TRIO: variants seen among roughly 807,000 people sequenced by gnomAD.
TRIO encodes trio Rho guanine nucleotide exchange factor.
In TRIO, 58 loss-of-function variants were observed where a neutral mutation model predicts 351.9. That is an observed-to-expected ratio of 0.16 (90% CI 0.13 to 0.21). The LOEUF is 0.21. Among genes scored for constraint, TRIO ranks in the 10% least tolerant of loss-of-function variants. The probability of loss-of-function intolerance (pLI) is 1.00; values close to 1 mark genes in which losing one functional copy is unlikely to be tolerated. For synonymous variants in TRIO, 1,758 were observed against 1,595.7 expected (o/e 1.10, Z -2.42); for missense variants, 3,201 against 4,027.8 (o/e 0.79, Z 5.56).
intron 3 of TRIO, among the ~76,000 whole-genome samples, chr5:14,282,825 T>C (rs888708136): frequency 6.6e-6 from 1 of 152,224 alleles, no homozygotes; most frequent in African/African-American, 2.4e-5. Flanking sequence ...GGTTTGCGTT[T>C]GCATTAACTG....
intron 30 of TRIO, among the ~76,000 whole-genome samples, chr5:14,400,598 G>A (rs956169993): frequency 2.5e-4 from 38 of 152,310 alleles, no homozygotes; most frequent in Non-Finnish European, 4.0e-4. Context: ...CATGGTGGCA[G>A]CCCTTTTGCA....
In TRIO at chr5:14,482,592, T is replaced by A; in HGVS notation, c.6476T>A (p.Val2159Asp). The A allele has an allele frequency of 4.1e-6, 6 of 1,453,000 alleles. No individual in the cohort carries two copies. The highest frequency in any genetic ancestry group is 5.5e-6 in the Non-Finnish European group (6 of 1,090,320). The allele number at this position is 1,453,000 out of a possible 1,614,324, so 90.0% of individuals were successfully genotyped here. Residue 2159 changes from valine to aspartate, a missense_variant, in exon 46 of 57, where the codon GTT (valine) becomes GAT (aspartate). This residue lies in a region of TRIO where 307 missense variants were observed against 396.5 expected (regional missense o/e 0.77). Coordinates refer to ENST00000344204, the MANE Select transcript of TRIO (RefSeq NM_007118.4). ...TATTTCTTGTTTTAGGGGAAAATCG[T>A]TGCCCAGGGTAAACTGCTCTTGCAG... ...GRLQGFDGKI[V>D]AQGKLLLQDT...
At chr5:14,425,618 C>T (rs750960628) in intron 34 of TRIO, among the ~76,000 whole-genome samples, 23 of 152,148 alleles carry the variant, frequency 1.5e-4, no homozygotes, top group Non-Finnish European at 2.9e-4. Flanking sequence ...TGAATGTTTG[C>T]GTCCTTCCAA....
chr5:14,477,159 C>CTGAA (rs1213993799), intron 41 of TRIO, 196 bp downstream of exon 41: 1 of 542,664 alleles, frequency 1.8e-6, no homozygotes, highest in East Asian at 3.2e-5. Flanking sequence ...AGTCACCTGG[C>CTGAA]TGAAGCTGGC....
At chr5:14,476,525 C>T (rs545133217) in intron 40 of TRIO, among the ~76,000 whole-genome samples, 3 of 152,236 alleles carry the variant, frequency 2.0e-5, no homozygotes, top group Non-Finnish European at 4.4e-5. Context: ...GGCACGGTGG[C>T]TCACGCCTGT....
At position 14,507,559 on chromosome 5, in the gene TRIO, G is replaced by A. The variant is rs190959803; in HGVS notation, c.8751+299G>A. Among the ~76,000 whole-genome samples the A allele has an allele frequency of 7.2e-5, 11 of 152,182 alleles. No individual in the cohort carries two copies. The East Asian group carries it at 1.9e-3, about 27-fold the overall frequency. On this transcript the variant is annotated intron_variant, in intron 56 of 56. Transcript: ENST00000344204. The stretch of plus-strand genomic sequence containing the variant: ...TGGCGGGTGCAGTGGTAGCTTAGGC[G>A]GGAAAGAGAGCATTCCCCTTGGTGC...
At chr5:14,476,501 T>C (rs1579767577) in intron 40 of TRIO, among the ~76,000 whole-genome samples, 1 of 152,294 alleles carries the variant, frequency 6.6e-6, no homozygotes, top group East Asian at 1.9e-4. Flanking sequence ...CTATTGAAAA[T>C]GTAAACCTGG....
At chr5:14,478,993 G>T (rs1755313861) in intron 41 of TRIO, among the ~76,000 whole-genome samples, 1 of 151,348 alleles carries the variant, frequency 6.6e-6, no homozygotes, top group Admixed American at 6.6e-5. Context: ...ATGTTCTTTT[G>T]CTACCTATGG....
At chr5:14,396,359 A>C (rs1747576380) in intron 28 of TRIO, among the ~76,000 whole-genome samples, 1 of 150,164 alleles carries the variant, frequency 6.7e-6, no homozygotes, top group Admixed American at 6.7e-5. Flanking sequence ...TTGTGTGGTA[A>C]ACGCACAGTT....
intron 13 of TRIO, among the ~76,000 whole-genome samples, chr5:14,363,044 G>A (rs1005860420): frequency 5.8e-5 from 8 of 136,844 alleles, no homozygotes; most frequent in African/African-American, 2.2e-4. Flanking sequence ...TCTTGCCCAT[G>A]CTGGAGTGTA....
chr5:14,470,985 A>G (rs1754638095), intron 37 of TRIO, among the ~76,000 whole-genome samples: 1 of 152,214 alleles, frequency 6.6e-6, no homozygotes, highest in Non-Finnish European at 1.5e-5. Flanking sequence ...TAGATATTAA[A>G]TATGTGTGAT....
chr5:14,358,197 A>G lies in TRIO; in HGVS notation c.2066A>G (p.Glu689Gly), dbSNP rs761713558. ...CCCCAGCTGTGGACGTGGCTGGAGG[A>G]GCTGCAGAAGGAGCTGCTGGACGAC... ...HVKELWTWLE[E>G]LQKELLDDVY... is the part of the protein sequence containing the mutation. Residue 689 changes from glutamate (E) to glycine (G), a missense_variant, in exon 12 of 57, where the codon GAG (glutamate) becomes GGG (glycine). Physicochemically the swap from Glu to Gly is moderately conservative, Grantham distance 98. Coordinates refer to ENST00000344204, the MANE Select transcript of TRIO (RefSeq NM_007118.4). 1 of 1,612,778 alleles carries G rather than the reference A, an allele frequency of 6.2e-7. No individual in the cohort carries two copies.
chr5:14,470,397 AT>A (rs1754597724), intron 37 of TRIO, among the ~76,000 whole-genome samples: 1 of 152,166 alleles, frequency 6.6e-6, no homozygotes, highest in Non-Finnish European at 1.5e-5. Context: ...AATTCATCAC[AT>A]TTTTTTCCAG....
intron 3 of TRIO, 89 bp downstream of exon 3, chr5:14,280,525 C>T: frequency 8.7e-7 from 1 of 1,146,042 alleles, no homozygotes; most frequent in Non-Finnish European, 1.3e-6. Context: ...TAAATTGTAG[C>T]CTGCATTCCA....
intron 15 of TRIO, among the ~76,000 whole-genome samples, chr5:14,365,526 T>C (rs977550787): frequency 3.3e-5 from 5 of 152,286 alleles, no homozygotes; most frequent in Non-Finnish European, 4.4e-5. Context: ...AAGAGCACCT[T>C]TCAGTCTCCC....
At chr5:14,428,410 G>C (rs1475519377) in intron 34 of TRIO, among the ~76,000 whole-genome samples, 1 of 152,012 alleles carries the variant, frequency 6.6e-6, no homozygotes, top group African/African-American at 2.4e-5. Context: ...GCTTGGAAAA[G>C]AGCAGTTGTA....
chr5:14,399,956 A>G (rs1040156271), intron 30 of TRIO, among the ~76,000 whole-genome samples: 1 of 152,244 alleles, frequency 6.6e-6, no homozygotes, highest in African/African-American at 2.4e-5. Flanking sequence ...GATGTTTGCA[A>G]TTTGGACAAC....
chr5:14,287,338 G>T (rs529313525), intron 4 of TRIO, among the ~76,000 whole-genome samples: 2 of 152,264 alleles, frequency 1.3e-5, no homozygotes, highest in South Asian at 4.1e-4. Flanking sequence ...GAAGCTTGCT[G>T]GCTGCCTTAT....
intron 1 of TRIO, among the ~76,000 whole-genome samples, chr5:14,196,417 C>T (rs952469165): frequency 6.5e-5 from 6 of 92,374 alleles, no homozygotes; most frequent in African/African-American, 2.0e-4. Context: ...AGCCAGACTC[C>T]GTCTCAAAAA....
Sources: gnomAD v4.1 joint callset for allele counts (sites outside exome capture counted in the v4.1 genomes callset) on GRCh38, gnomAD v4.1.1 for gene constraint, gnomAD v4.1.1 regional missense constraint, MANE v1.5 for transcripts, NCBI Gene and HGNC (gene_info 2026-07-23, HGNC 2026-07-21) for gene names.